B4GALNT3: variants seen among roughly 807,000 people sequenced by gnomAD.
The protein encoded by B4GALNT3 is beta-1,4-N-acetyl-galactosaminyltransferase 3, also known as beta-1,4-N-acetylgalactosaminyltransferase 3.
Under a neutral mutation model 120.2 loss-of-function variants are expected in B4GALNT3, and 86 were observed. The observed-to-expected ratio is 0.72, with a 90% CI of 0.60 to 0.86. B4GALNT3 has a LOEUF of 0.86. Among genes scored for constraint, B4GALNT3 ranks in the 40% least tolerant of loss-of-function variants. The pLI is 0.00. For missense variants in B4GALNT3, 1,167 were observed against 1,298.9 expected, an observed-to-expected ratio of 0.90 and a Z score of 1.56; for synonymous variants, 518 against 510.4, an observed-to-expected ratio of 1.01 and a Z score of -0.20.
Position 561,442 on chromosome 12 carries a change from G to C in B4GALNT3, c.2988G>C (p.Lys996Asn), listed in dbSNP as rs1565614056. The part of the protein sequence containing the change: ...KRGMWSRRQM[K>N]TL The stretch of plus-strand genomic sequence containing the variant: ...GCATGTGGAGCCGTCGCCAGATGAA[G>C]ACGCTGTAGCCGGAGGGTGTCCGCG... Residue 996 changes from lysine (K) to asparagine (N), a missense_variant, in exon 20 of 20, where the codon AAG becomes AAC. By Grantham distance (94) the Lys-to-Asn change is moderately conservative (BLOSUM62 0). Coordinates refer to ENST00000266383, the MANE Select transcript of B4GALNT3 (RefSeq NM_173593.4). The C allele has an allele frequency of 6.2e-7, 1 of 1,612,342 alleles. No homozygotes were observed. The highest frequency in any genetic ancestry group is 8.5e-7 in the Non-Finnish European group (1 of 1,179,546).
At chr12:496,775 T>C (rs975729345) in intron 1 of B4GALNT3, among the ~76,000 whole-genome samples, 5 of 152,222 alleles carry the variant, frequency 3.3e-5, no homozygotes, top group African/African-American at 9.6e-5. Context: ...ACCTCTATTC[T>C]GCCTTCTGCG....
At chr12:471,782 A>G (rs1946139701) in intron 1 of B4GALNT3, among the ~76,000 whole-genome samples, 1 of 150,608 alleles carries the variant, frequency 6.6e-6, no homozygotes, top group Admixed American at 6.6e-5. Context: ...AAAAATTTAA[A>G]ACAAATTTAT....
At position 532,410 on chromosome 12, in the gene B4GALNT3, G is replaced by A. The variant is rs142742239; in HGVS notation, c.170-2756G>A. 4.3e-3 allele frequency among the ~76,000 whole-genome samples: 648 copies of A among 152,320 alleles called. 4 individuals carry two copies. Among genetic ancestry groups the A allele is most frequent in the Middle Eastern group, 6.8e-3 (2 of 294 alleles). ...TAGAACTGCACACTAGTTACAGGTC[G>A]TGAAGATGGATTTTATCAAGTACTG... On this transcript the variant is annotated intron_variant, in intron 1 of 19. Transcript: ENST00000266383.
At position 557,717 on chromosome 12, in the gene B4GALNT3, G is replaced by T. The variant is rs952895818; in HGVS notation, c.2490G>T (p.Glu830Asp). The stretch of plus-strand genomic sequence containing the variant: ...TCGTCATCACTGACTATAGCAGTGA[G>T]GACATGGATGTTGAGATGGCACTGA... Reference protein sequence around the residue: ...FNIVITDYSSEDMDVEMALKR... With the variant: ...FNIVITDYSSDDMDVEMALKR... Residue 830 changes from glutamate (E) to aspartate (D), a missense_variant, in exon 16 of 20, where the codon GAG (glutamate) becomes GAT (aspartate). Transcript: ENST00000266383. 51 of 1,604,020 alleles carry T rather than the reference G, an allele frequency of 3.2e-5. No individual in the cohort carries two copies. The highest frequency in any genetic ancestry group is 4.3e-5 in the Non-Finnish European group (51 of 1,177,116).
intron 1 of B4GALNT3, among the ~76,000 whole-genome samples, chr12:475,169 G>T (rs554298335): frequency 6.6e-6 from 1 of 152,044 alleles, no homozygotes; most frequent in Non-Finnish European, 1.5e-5. Context: ...GTGAAGAAAC[G>T]GTTACACTTT....
rs879312707 is a variant in B4GALNT3 at position 490,736 on chromosome 12, A to G, written c.169+30191A>G. ...GAGCGAGACACTGTCTCAAAAAAAA[A>G]AAAAAATTACGGACAACTCTACACC... On this transcript the variant is annotated intron_variant, in intron 1 of 19. Transcript: ENST00000266383. Among the ~76,000 whole-genome samples, 1,103 of 152,232 alleles carry G rather than the reference A, an allele frequency of 7.2e-3. 14 individuals carry two copies. The highest frequency in any genetic ancestry group is 0.01 in the Middle Eastern group (3 of 294).
chr12:513,005 A>ATCTT (rs1946611064), intron 1 of B4GALNT3, among the ~76,000 whole-genome samples: 2 of 97,164 alleles, frequency 2.1e-5, no homozygotes, highest in Admixed American at 1.1e-4. Flanking sequence ...TCCACCTTCC[A>ATCTT]CCTTCCGCCT....
At chr12:522,367 G>A (rs912398012) in intron 1 of B4GALNT3, among the ~76,000 whole-genome samples, 1 of 152,172 alleles carries the variant, frequency 6.6e-6, no homozygotes, top group African/African-American at 2.4e-5. Context: ...CCACAACATG[G>A]GTGAACCTTG....
At chr12:480,264 A>T (rs1946226551) in intron 1 of B4GALNT3, among the ~76,000 whole-genome samples, 1 of 152,210 alleles carries the variant, frequency 6.6e-6, no homozygotes, top group African/African-American at 2.4e-5. Flanking sequence ...GAAAAAACAT[A>T]AGTCCTTTTT....
At chr12:472,732 C>T (rs973711588) in intron 1 of B4GALNT3, among the ~76,000 whole-genome samples, 51 of 151,922 alleles carry the variant, frequency 3.4e-4, no homozygotes, top group African/African-American at 1.2e-3. Context: ...CCACCGCGCC[C>T]GACCTATGCC....
intron 1 of B4GALNT3, among the ~76,000 whole-genome samples, chr12:512,524 C>T (rs1410452601): frequency 6.9e-6 from 1 of 144,466 alleles, no homozygotes; most frequent in East Asian, 2.2e-4. Flanking sequence ...CCACCTTCGA[C>T]CTTCTTCCAC....
chr12:500,589 C>T (rs1361213475), intron 1 of B4GALNT3, among the ~76,000 whole-genome samples: 4 of 152,126 alleles, frequency 2.6e-5, no homozygotes, highest in South Asian at 2.1e-4. Context: ...ACACACCTTC[C>T]GGTCATTCCA....
chr12:558,518 G>A lies in B4GALNT3; in HGVS notation c.2618G>A (p.Ser873Asn), dbSNP rs776028443. The change falls in exon 18 of 20, where the codon AGC becomes AAC. Residue 873 changes from serine to asparagine, a missense_variant. Transcript: ENST00000266383. ...AGIDLVKDPH[S>N]IIFLCDLHIH... ...CACATCTGTCCCCAGGACCCGCACA[G>A]CATCATCTTCCTCTGTGACCTCCAC... 6.2e-7 allele frequency: 1 copy of A among 1,614,080 alleles called. No individual in the cohort carries two copies. The highest frequency in any genetic ancestry group is 8.5e-7 in the Non-Finnish European group (1 of 1,179,976).
intron 3 of B4GALNT3, 32 bp from the exon 4 acceptor site, chr12:544,307 G>T: frequency 1.2e-6 from 2 of 1,605,554 alleles, no homozygotes; most frequent in Non-Finnish European, 1.7e-6. Flanking sequence ...GGGTGCTCAC[G>T]CTCACTCACC....
chr12:497,805 A>G (rs567110420), intron 1 of B4GALNT3, among the ~76,000 whole-genome samples: 43 of 152,238 alleles, frequency 2.8e-4, no homozygotes, highest in African/African-American at 8.7e-4. Flanking sequence ...CAGCACCAGC[A>G]TTCCCAGGCC....
rs915836678 is a variant in B4GALNT3 at position 545,119 on chromosome 12, G to A, written c.538+147G>A. The A allele has an allele frequency of 5.7e-5, 83 of 1,451,400 alleles. No individual in the cohort carries two copies. The South Asian group carries it at 7.0e-4, about 12-fold the overall frequency. 89.9% of individuals were successfully genotyped at this position (1,451,400 alleles called of 1,614,324 possible). A position where few individuals can be genotyped will look rare whatever the true frequency, so the allele number is the denominator to read the frequency against. ...GAGAGGGGAAATTGAGTCATATTGC[G>A]GTCTTGTCCAACTCCCACAGGCTGC... On this transcript the variant is annotated intron_variant, in intron 5 of 19. Transcript: ENST00000266383.
At chr12:478,992 G>A (rs1009083923) in intron 1 of B4GALNT3, among the ~76,000 whole-genome samples, 1 of 152,200 alleles carries the variant, frequency 6.6e-6, no homozygotes, top group East Asian at 1.9e-4. Flanking sequence ...TGGGAAGACA[G>A]AGGTTACAGC....
chr12:553,114 T>C, intron 13 of B4GALNT3, 80 bp from the exon 14 acceptor site: 1 of 1,556,080 alleles, frequency 6.4e-7, no homozygotes, highest in Admixed American at 1.8e-5. Flanking sequence ...GTCACACGTA[T>C]GATCATCCTC....
At chr12:544,511 T>G in intron 4 of B4GALNT3, 77 bp downstream of exon 4, 1 of 1,312,770 alleles carries the variant, frequency 7.6e-7, no homozygotes, top group Admixed American at 1.7e-5. Flanking sequence ...TCATCTTTCC[T>G]TACATCTTTT....
Sources: allele counts gnomAD v4.1 joint callset (sites outside exome capture counted in the v4.1 genomes callset), GRCh38; gene constraint gnomAD v4.1.1; transcripts MANE v1.5; gene names NCBI Gene and HGNC (gene_info 2026-07-23, HGNC 2026-07-21).